IFNGR2: variants seen among roughly 807,000 people sequenced by gnomAD.
IFNGR2 encodes IFN-gamma receptor 2.
A neutral mutation model predicts 41.1 loss-of-function variants in IFNGR2; 15 were observed. That is an observed-to-expected ratio of 0.37 (90% CI 0.24 to 0.56). The LOEUF (loss-of-function observed/expected upper bound fraction) is 0.56. IFNGR2 is among the 20% of genes least tolerant of loss of function. The pLI is 0.81. For missense variants in IFNGR2, 362 were observed against 415.7 expected (o/e 0.87, Z 1.12); for synonymous variants, 161 against 171.6 (o/e 0.94, Z 0.48).
chr21:33,426,829 T>C, intron 3 of IFNGR2, 55 bp from the exon 4 acceptor site: 1 of 1,293,156 alleles, frequency 7.7e-7, no homozygotes, highest in South Asian at 1.2e-5. Context: ...CATTGTATTA[T>C]ATCTATAATA....
intron 2 of IFNGR2, among the ~76,000 whole-genome samples, chr21:33,417,644 G>A (rs949767233): frequency 6.6e-6 from 1 of 152,202 alleles, no homozygotes; most frequent in Admixed American, 6.5e-5. Flanking sequence ...GGCAACCGCA[G>A]AGCATCAAAT....
chr21:33,434,381 G>A (rs1299058407), intron 6 of IFNGR2, among the ~76,000 whole-genome samples: 1 of 152,138 alleles, frequency 6.6e-6, no homozygotes, highest in African/African-American at 2.4e-5. Context: ...AATTAGCCGG[G>A]CGTGGTGGTG....
intron 4 of IFNGR2, among the ~76,000 whole-genome samples, chr21:33,429,067 CT>C (rs2083863752): frequency 6.6e-6 from 1 of 152,188 alleles, no homozygotes; most frequent in Non-Finnish European, 1.5e-5. Flanking sequence ...GTCACTTAGC[CT>C]CTCTGGGCTG....
intron 1 of IFNGR2, among the ~76,000 whole-genome samples, chr21:33,414,359 T>A (rs1434164520): frequency 6.6e-6 from 1 of 152,028 alleles, no homozygotes; most frequent in African/African-American, 2.4e-5. Context: ...TGTGTGTTTT[T>A]GCGTGTGTAG....
At chr21:33,429,332 CAG>C (rs1227928735) in intron 4 of IFNGR2, among the ~76,000 whole-genome samples, 1 of 77,258 alleles carries the variant, frequency 1.3e-5, no homozygotes, top group Non-Finnish European at 2.5e-5. Flanking sequence ...GGACTCAGCA[CAG>C]AGTCACACTC....
At chr21:33,411,483 A>G (rs892828260) in intron 1 of IFNGR2, 4 of 470,796 alleles carry the variant, frequency 8.5e-6, no homozygotes, top group African/African-American at 8.0e-5. Context: ...AGGGCGGAAT[A>G]ATGGTCCCCA....
chr21:33,435,734 T>C (rs990587133), intron 6 of IFNGR2, among the ~76,000 whole-genome samples: 13 of 151,648 alleles, frequency 8.6e-5, no homozygotes, highest in African/African-American at 2.9e-4. Context: ...AATACAAAAA[T>C]TACCCAGGCA....
At chr21:33,420,609 T>A (rs921517354) in intron 2 of IFNGR2, among the ~76,000 whole-genome samples, 1 of 152,170 alleles carries the variant, frequency 6.6e-6, no homozygotes, top group Non-Finnish European at 1.5e-5. Context: ...AAACATAGGC[T>A]ACAGAGACTG....
intron 3 of IFNGR2, among the ~76,000 whole-genome samples, chr21:33,422,975 G>A (rs889435656): frequency 5.4e-5 from 8 of 148,884 alleles, no homozygotes; most frequent in Admixed American, 4.7e-4. Flanking sequence ...TTGGCCATAA[G>A]TTGACAGTTG....
intron 4 of IFNGR2, among the ~76,000 whole-genome samples, chr21:33,429,546 A>G (rs2083868034): frequency 6.6e-6 from 1 of 152,178 alleles, no homozygotes; most frequent in Non-Finnish European, 1.5e-5. Context: ...GCAGGTGTCC[A>G]GGGGTAGGCT....
Position 33,432,186 on chromosome 21 carries a change from C to T in IFNGR2, c.571C>T (p.Pro191Ser). ...EKGGIQQVKG[P>S]FRSNSISLDN... is the part of the protein sequence containing the mutation. ...GATGTTTTTAAAACAGGTCAAAGGC[C>T]CTTTCAGAAGCAACTCCATTTCATT... The change falls in exon 5 of 7, where the codon CCT becomes TCT. Residue 191 changes from proline (P) to serine (S), a missense_variant. Physicochemically the swap from Pro to Ser is moderately conservative, Grantham distance 74. Transcript: ENST00000290219. The T allele has an allele frequency of 6.2e-7, 1 of 1,614,066 alleles. No homozygotes were observed. Among genetic ancestry groups the T allele is most frequent in the Non-Finnish European group, 8.5e-7 (1 of 1,179,950 alleles).
chr21:33,410,987 CGGG>C lies in IFNGR2; in HGVS notation c.74-3898_74-3896del, dbSNP rs2083711611. 27 of 929,104 alleles carry C rather than the reference CGGG, an allele frequency of 2.9e-5. No homozygotes were observed. In the East Asian group the frequency reaches 7.1e-4, roughly 24 times the overall value. The allele number at this position is 929,104 out of a possible 1,614,324, so 57.6% of individuals were successfully genotyped here. On this transcript the variant is annotated intron_variant, in intron 1 of 6. Coordinates refer to ENST00000290219, the MANE Select transcript of IFNGR2 (RefSeq NM_005534.4). ...GCCTTCCAGCCCTGGTGTTTCCCAT[CGGG>C]GGCCATGTGGCCTGGAACACAGAGG...
chr21:33,418,828 C>A (rs558481405), intron 2 of IFNGR2, among the ~76,000 whole-genome samples: 18 of 151,876 alleles, frequency 1.2e-4, no homozygotes, highest in East Asian at 1.9e-4. Context: ...GGAAAAAAAA[C>A]CAATCCTGAT....
In IFNGR2 at chr21:33,432,238, A is replaced by C; in HGVS notation, c.623A>C (p.Tyr208Ser). 1.2e-6 allele frequency: 2 copies of C among 1,613,966 alleles called. No homozygotes were observed. Among genetic ancestry groups the C allele is most frequent in the Non-Finnish European group, 1.7e-6 (2 of 1,179,792 alleles). ...GATAACTTAAAACCCTCCAGAGTGT[A>C]CTGTTTACAAGTCCAGGCACAACTG... is the stretch of plus-strand genomic sequence containing the variant. ...SLDNLKPSRV[Y>S]CLQVQAQLLW... The change falls in exon 5 of 7, where the codon TAC (tyrosine) becomes TCC (serine). Residue 208 changes from tyrosine (Y) to serine (S), a missense_variant. Tyr to Ser is a moderately radical substitution (Grantham distance 144). Coordinates refer to ENST00000290219, the MANE Select transcript of IFNGR2 (RefSeq NM_005534.4).
At chr21:33,431,596 G>A (rs762389154) in intron 4 of IFNGR2, among the ~76,000 whole-genome samples, 17 of 152,134 alleles carry the variant, frequency 1.1e-4, no homozygotes, top group Non-Finnish European at 2.5e-4. Context: ...CAAAATGTTT[G>A]TTTTGAGATG....
At chr21:33,423,153 C>T (rs374543449) in intron 3 of IFNGR2, among the ~76,000 whole-genome samples, 11 of 149,484 alleles carry the variant, frequency 7.4e-5, no homozygotes, top group East Asian at 4.0e-4. Context: ...CATTCTCCTG[C>T]CTCAGCCTCC....
At chr21:33,436,710 A>C in intron 6 of IFNGR2, 118 bp from the exon 7 acceptor site, 13 of 719,296 alleles carry the variant, frequency 1.8e-5, no homozygotes, top group Non-Finnish European at 2.7e-5. Context: ...CAAGAGTAAG[A>C]CTCCATCTCA....
intron 4 of IFNGR2, among the ~76,000 whole-genome samples, chr21:33,428,465 C>A (rs962086027): frequency 6.6e-6 from 1 of 151,784 alleles, no homozygotes; most frequent in African/African-American, 2.4e-5. Context: ...TGGTCTCAAG[C>A]GATCTGCCCA....
chr21:33,403,662 A>G, intron 1 of IFNGR2, 46 bp downstream of exon 1: 1 of 1,168,424 alleles, frequency 8.6e-7, no homozygotes, highest in Non-Finnish European at 1.1e-6. Flanking sequence ...GCGCAGCCGC[A>G]GCATGTGGGG....
Sources: gnomAD v4.1 joint callset for allele counts (sites outside exome capture counted in the v4.1 genomes callset) on GRCh38, gnomAD v4.1.1 for gene constraint, MANE v1.5 for transcripts, NCBI Gene and HGNC (gene_info 2026-07-23, HGNC 2026-07-21) for gene names.